ZFHX3: variants seen among roughly 807,000 people sequenced by gnomAD.
ZFHX3 encodes zinc finger homeobox protein 3.
Under a neutral mutation model 279.1 loss-of-function variants are expected in ZFHX3, and 42 were observed. The observed-to-expected ratio is 0.15, with a 90% CI of 0.12 to 0.19. ZFHX3 has a LOEUF of 0.19. Among genes scored for constraint, ZFHX3 ranks in the 10% least tolerant of loss-of-function variants. The pLI, the probability that ZFHX3 is intolerant of heterozygous loss-of-function variation, is 1.00. For synonymous variants in ZFHX3, 2,293 were observed against 1,957.8 expected (o/e 1.17, Z -4.52); for missense variants, 4,981 against 4,754.0 (o/e 1.05, Z -1.40).
chr16:73,714,312 C>T (rs1313714202), intron 1 of ZFHX3, among the ~76,000 whole-genome samples: 4 of 152,136 alleles, frequency 2.6e-5, no homozygotes, highest in Admixed American at 2.6e-4. Flanking sequence ...GGAAGCAAGG[C>T]AGCTGCTTCC....
chr16:73,070,932 GCGCGCGCACACACACACA>G (rs1409743000), intron 8 of ZFHX3, among the ~76,000 whole-genome samples: 1 of 29,902 alleles, frequency 3.3e-5, no homozygotes, highest in African/African-American at 7.9e-5. Context: ...GCGCGCGCGC[GCGCGCGCACACACACACA>G]CACACACACA....
intron 7 of ZFHX3, among the ~76,000 whole-genome samples, chr16:73,105,458 T>TACACACACACATATA (rs1396464674): frequency 3.1e-5 from 2 of 63,518 alleles, no homozygotes; most frequent in Admixed American, 1.4e-4. Flanking sequence ...TATATATATA[T>TACACACACACATATA]TTTTTCCCCC....
At chr16:73,125,793 T>G (rs1439850928) in intron 7 of ZFHX3, among the ~76,000 whole-genome samples, 1 of 151,970 alleles carries the variant, frequency 6.6e-6, no homozygotes, top group African/African-American at 2.4e-5. Flanking sequence ...TATATATATG[T>G]GTGTATATAT....
intron 8 of ZFHX3, among the ~76,000 whole-genome samples, chr16:73,071,828 T>C (rs2144756255): frequency 6.6e-6 from 1 of 152,230 alleles, no homozygotes; most frequent in Admixed American, 6.5e-5. Context: ...GGAAACTGCT[T>C]TGAAAGCGGA....
At chr16:73,561,699 C>A (rs1307971157) in intron 2 of ZFHX3, among the ~76,000 whole-genome samples, 1 of 152,200 alleles carries the variant, frequency 6.6e-6, no homozygotes, top group East Asian at 1.9e-4. Flanking sequence ...ATTTCTTTCT[C>A]TTTTCCCTTC....
intron 3 of ZFHX3, among the ~76,000 whole-genome samples, chr16:73,330,767 T>C (rs2015786744): frequency 6.6e-6 from 1 of 152,156 alleles, no homozygotes; most frequent in Admixed American, 6.5e-5. Context: ...AGGGAGGTAA[T>C]TAAAAGACAG....
At chr16:73,142,244 C>T (rs1273841171) in intron 6 of ZFHX3, among the ~76,000 whole-genome samples, 2 of 152,204 alleles carry the variant, frequency 1.3e-5, no homozygotes, top group East Asian at 3.9e-4. Context: ...GCCCTGCCTG[C>T]TCTCCTGGGC....
At chr16:73,160,312 T>C (rs539375398) in intron 5 of ZFHX3, among the ~76,000 whole-genome samples, 1 of 152,248 alleles carries the variant, frequency 6.6e-6, no homozygotes, top group East Asian at 1.9e-4. Flanking sequence ...CAGTAATAAA[T>C]AGCCCGTCAA....
chr16:72,795,456 A>C lies in ZFHX3; in HGVS notation c.7226T>G (p.Leu2409Arg). Residue 2409 changes from leucine to arginine, a missense_variant, in exon 9 of 10, where the codon CTT becomes CGT. Leu to Arg is a moderately radical substitution (Grantham distance 102). Around this residue, in one of 7 missense-constraint regions of ZFHX3, gnomAD observed 744 missense variants for 701.3 expected, o/e 1.06. Transcript: ENST00000268489. ...GGCCAGTTCCTCAGCCTCCGCTGTA[A>C]GCTGCAAGAAAGCGGAGGAAGCTGT... ...NNTASSAFLQ[L>R]TAEAEELATF... 6.2e-7 allele frequency: 1 copy of C among 1,614,116 alleles called. No individual in the cohort carries two copies. Among genetic ancestry groups the C allele is most frequent in the Non-Finnish European group, 8.5e-7 (1 of 1,180,044 alleles).
At chr16:73,672,349 T>C (rs2052912264) in intron 2 of ZFHX3, among the ~76,000 whole-genome samples, 1 of 152,162 alleles carries the variant, frequency 6.6e-6, no homozygotes. Flanking sequence ...ATCTGAAGAT[T>C]TGAAGACTTC....
intron 3 of ZFHX3, among the ~76,000 whole-genome samples, chr16:72,932,653 C>CAAAA (rs3079316): frequency 3.9e-5 from 4 of 103,218 alleles, no homozygotes; most frequent in Non-Finnish European, 6.0e-5. Context: ...TGCTCCGCAC[C>CAAAA]AAAAAAAAAA....
chr16:73,817,403 C>T (rs1960604109), intron 1 of ZFHX3, among the ~76,000 whole-genome samples: 2 of 152,204 alleles, frequency 1.3e-5, no homozygotes, highest in Non-Finnish European at 2.9e-5. Flanking sequence ...CCTGTCATCA[C>T]TAATCCTGCA....
At chr16:73,637,312 A>T (rs9940759) in intron 2 of ZFHX3, among the ~76,000 whole-genome samples, 21,632 of 150,350 alleles carry the variant, frequency 0.14, 2,400 homozygotes, top group African/African-American at 0.31. Flanking sequence ...GCTCACTACA[A>T]CCTCTGCCTC....
upstream of ZFHX3, among the ~76,000 whole-genome samples, chr16:73,063,701 C>A (rs375794935): frequency 8.1e-4 from 124 of 152,220 alleles, 1 homozygote; most frequent in South Asian, 0.025. Flanking sequence ...TGTCACAGTC[C>A]CCACAGTCGT....
Position 72,793,967 on chromosome 16 carries a change from T to C in ZFHX3, c.8715A>G (p.Glu2905=), listed in dbSNP as rs964002428. The change falls in exon 9 of 10, where the codon GAA becomes GAG. Residue 2905 remains glutamate, a synonymous_variant. Transcript: ENST00000268489. This position sits in a 1 kb window ranked among gnomAD's most constrained non-coding sequence, Gnocchi z 4.3. ...VSPAPSFYSK[E]YDNEGTVDYS... Reference sequence around the variant, plus strand: ...AGTCCACTGTACCTTCATTGTCATATTCCTTGCTATAAAAGCTCGGGGCCG... The same window carrying C: ...AGTCCACTGTACCTTCATTGTCATACTCCTTGCTATAAAAGCTCGGGGCCG... 14 of 1,614,218 alleles carry C rather than the reference T, an allele frequency of 8.7e-6. No individual in the cohort carries two copies. Among genetic ancestry groups the C allele is most frequent in the Non-Finnish European group, 1.2e-5 (14 of 1,180,040 alleles).
chr16:73,054,394 A>C (rs1597138737), intron 1 of ZFHX3, among the ~76,000 whole-genome samples: 1 of 122,114 alleles, frequency 8.2e-6, no homozygotes, highest in East Asian at 2.6e-4. Flanking sequence ...TCTGACGTGC[A>C]ATCAACCCTC....
At chr16:73,358,295 C>T (rs8051114) in intron 3 of ZFHX3, among the ~76,000 whole-genome samples, 24,967 of 152,228 alleles carry the variant, frequency 0.16, 2,205 homozygotes, top group African/African-American at 0.22. Flanking sequence ...AAAGTGAAGG[C>T]GTGTCGCCTG....
At chr16:73,454,658 T>C (rs1338850171) in intron 3 of ZFHX3, among the ~76,000 whole-genome samples, 1 of 151,650 alleles carries the variant, frequency 6.6e-6, no homozygotes. Context: ...GTCTTCACAA[T>C]TACTGCTTCC....
At chr16:73,774,949 C>A (rs1337227681) in intron 1 of ZFHX3, among the ~76,000 whole-genome samples, 1 of 152,134 alleles carries the variant, frequency 6.6e-6, no homozygotes, top group Non-Finnish European at 1.5e-5. Context: ...TTTTACGTCT[C>A]CCTATCTCCA....
Sources: gnomAD v4.1 joint callset for allele counts (sites outside exome capture counted in the v4.1 genomes callset) on GRCh38, gnomAD v4.1.1 for gene constraint, gnomAD v4.1.1 regional missense constraint, Gnocchi (gnomAD v3.1) non-coding constraint, MANE v1.5 for transcripts, NCBI Gene and HGNC (gene_info 2026-07-23, HGNC 2026-07-21) for gene names.